The following GMPPA variants were observed in gnomAD, a reference collection of about 807,000 sequenced individuals.
GMPPA encodes GDP-mannose pyrophosphorylase A, also known as mannose-1-phosphate guanylyltransferase regulatory subunit alpha.
A neutral mutation model predicts 58.6 loss-of-function variants in GMPPA; 46 were observed. That is an observed-to-expected ratio of 0.78 (90% CI 0.62 to 1.00). The LOEUF (loss-of-function observed/expected upper bound fraction) is 1.00, where lower values mean the gene tolerates loss of function less well. Among genes scored for constraint, GMPPA ranks in the 50% least tolerant of loss-of-function variants. GMPPA has a pLI of 0.00. For synonymous variants in GMPPA, 211 were observed against 214.9 expected (o/e 0.98, Z 0.16); for missense variants, 468 against 556.4 (o/e 0.84, Z 1.60).
rs1360075722 is a variant in GMPPA at position 219,502,794 on chromosome 2, A to G, written c.489+353A>G. Among the ~76,000 whole-genome samples the G allele has an allele frequency of 6.6e-6, 1 of 152,116 alleles. No homozygotes were observed. The highest frequency in any genetic ancestry group is 1.5e-5 in the Non-Finnish European group (1 of 68,018). ...TAGATGACAAAGGAGACAGGAAGGT[A>G]CTACAGGCAGAGGGAATGGCAGGTA... On this transcript the variant is annotated intron_variant, in intron 6 of 12. Coordinates refer to ENST00000313597, the MANE Select transcript of GMPPA (RefSeq NM_013335.4). The surrounding 1 kb of genome is among the most constrained non-coding windows in gnomAD (Gnocchi z 4.0).
chr2:219,506,192 C>T (rs1694584824), intron 11 of GMPPA, 62 bp from the exon 12 acceptor site: 2 of 1,539,444 alleles, frequency 1.3e-6, no homozygotes, highest in South Asian at 1.2e-5. Flanking sequence ...CCACACCTCA[C>T]ACCCTCCGGT....
Position 219,502,286 on chromosome 2 carries a change from G to A in GMPPA, c.430-96G>A. ...CTGAAGGCCTGTCAGTGGCAGAGCT[G>A]CATGCCAGGTGCTGTAGCGGAGGGA... On this transcript the variant is annotated intron_variant, in intron 5 of 12. Transcript: ENST00000313597. This position sits in a 1 kb window ranked among gnomAD's most constrained non-coding sequence, Gnocchi z 4.0. The A allele has an allele frequency of 9.1e-7, 1 of 1,099,332 alleles. No individual in the cohort carries two copies. Among genetic ancestry groups the A allele is most frequent in the Non-Finnish European group, 1.4e-6 (1 of 721,966 alleles). The allele number at this position is 1,099,332 out of a possible 1,614,324, so 68.1% of individuals were successfully genotyped here.
In GMPPA at chr2:219,501,483, G is replaced by A; in HGVS notation, c.146G>A (p.Gly49Glu). ...CTCTTCCCTTGTCCTCAGGTCCCTG[G>A]AATGCAGGAGATTCTGCTCATTGGC... The part of the protein sequence containing the change: ...HHIEACAQVP[G>E]MQEILLIGFY... The change falls in exon 4 of 13, where the codon GGA becomes GAA. Residue 49 changes from glycine (G) to glutamate (E), a missense_variant. By Grantham distance (98) the Gly-to-Glu change is moderately conservative. Coordinates refer to ENST00000313597, the MANE Select transcript of GMPPA (RefSeq NM_013335.4). The A allele has an allele frequency of 2.5e-6, 4 of 1,590,568 alleles. No homozygotes were observed. Among genetic ancestry groups the A allele is most frequent in the Non-Finnish European group, 3.5e-6 (4 of 1,158,476 alleles).
At position 219,499,937 on chromosome 2, in the gene GMPPA, T is replaced by C. The variant is rs1329476727; in HGVS notation, c.-20-19T>C. Reference sequence around the variant, plus strand: ...TGGGGTAGGAGATCTGAGCTTGATTTCTCTGTTGGAATTTGAAGTTTAGGT... The same window carrying C: ...TGGGGTAGGAGATCTGAGCTTGATTCCTCTGTTGGAATTTGAAGTTTAGGT... On this transcript the variant is annotated intron_variant, in intron 1 of 12. Transcript: ENST00000313597. 6.2e-7 allele frequency: 1 copy of C among 1,602,204 alleles called. No individual in the cohort carries two copies. The highest frequency in any genetic ancestry group is 1.1e-5 in the South Asian group (1 of 90,840).
Position 219,502,692 on chromosome 2 carries a change from CCCAA to C in GMPPA, c.489+254_489+257del, listed in dbSNP as rs1338664974. Among the ~76,000 whole-genome samples the C allele has an allele frequency of 6.6e-6, 1 of 152,022 alleles. No individual in the cohort carries two copies. Among genetic ancestry groups the C allele is most frequent in the Non-Finnish European group, 1.5e-5 (1 of 67,998 alleles). The stretch of plus-strand genomic sequence containing the variant: ...TGCATGATGGGAACACCAAGGGGGC[CCCAA>C]CCCAGCCTTGCTGGGGTGGGAGTAG... On this transcript the variant is annotated intron_variant, in intron 6 of 12. Coordinates refer to ENST00000313597, the MANE Select transcript of GMPPA (RefSeq NM_013335.4). This position sits in a 1 kb window ranked among gnomAD's most constrained non-coding sequence, Gnocchi z 4.0.
Position 219,502,132 on chromosome 2 carries a change from T to G in GMPPA, c.429+95T>G. On this transcript the variant is annotated intron_variant, in intron 5 of 12. Transcript: ENST00000313597. This position sits in a 1 kb window ranked among gnomAD's most constrained non-coding sequence, Gnocchi z 4.0. Reference sequence around the variant, plus strand: ...TGGGGAGGCAGGGGCGCCCCGGGAGTTGGTGTGGGAGCTGGCGTCAGGAGG... The same window carrying G: ...TGGGGAGGCAGGGGCGCCCCGGGAGGTGGTGTGGGAGCTGGCGTCAGGAGG... The G allele has an allele frequency of 2.3e-6, 3 of 1,285,338 alleles. No individual in the cohort carries two copies. In the Admixed American group the frequency reaches 5.4e-5, roughly 23 times the overall value. The allele number at this position is 1,285,338 out of a possible 1,614,324, so 79.6% of individuals were successfully genotyped here. A position where few individuals can be genotyped will look rare whatever the true frequency, so the allele number is the denominator to read the frequency against.
chr2:219,502,569 G>A lies in GMPPA; in HGVS notation c.489+128G>A, dbSNP rs753363236. ...CTTGTCAGACAGGTGAGACACTCCC[G>A]ATTAATCATCTTATATCCCTTTAAG... On this transcript the variant is annotated intron_variant, in intron 6 of 12. Transcript: ENST00000313597. The surrounding 1 kb of genome is among the most constrained non-coding windows in gnomAD (Gnocchi z 4.0). 2.3e-4 allele frequency: 154 copies of A among 673,292 alleles called. No individual in the cohort carries two copies. The Middle Eastern group carries it at 3.0e-3, about 13-fold the overall frequency. 41.7% of individuals were successfully genotyped at this position (673,292 alleles called of 1,614,324 possible). A position where few individuals can be genotyped will look rare whatever the true frequency, so the allele number is the denominator to read the frequency against.
At position 219,502,065 on chromosome 2, in the gene GMPPA, G is replaced by T. The variant is rs1287683010; in HGVS notation, c.429+28G>T. On this transcript the variant is annotated intron_variant, in intron 5 of 12. Transcript: ENST00000313597. This position sits in a 1 kb window ranked among gnomAD's most constrained non-coding sequence, Gnocchi z 4.0. ...GAGGGGGTCAGGAGGGCTGGAGGGT[G>T]TAGAGGAGGTGATCCCAAGAGCTTC... 6.2e-7 allele frequency: 1 copy of T among 1,608,172 alleles called. No individual in the cohort carries two copies. Among genetic ancestry groups the T allele is most frequent in the African/African-American group, 1.3e-5 (1 of 74,828 alleles).
intron 12 of GMPPA, 41 bp from the exon 13 acceptor site, chr2:219,506,657 C>G: frequency 8.3e-7 from 1 of 1,202,410 alleles, no homozygotes; most frequent in East Asian, 2.4e-5. Flanking sequence ...CCCCTGTCTC[C>G]CCTCCCATGA....
Position 219,502,137 on chromosome 2 carries a change from G to A in GMPPA, c.429+100G>A. 2 of 1,236,062 alleles carry A rather than the reference G, an allele frequency of 1.6e-6. No homozygotes were observed. Among genetic ancestry groups the A allele is most frequent in the South Asian group, 1.3e-5 (1 of 77,142 alleles). The allele number at this position is 1,236,062 out of a possible 1,614,324, so 76.6% of individuals were successfully genotyped here. ...AGGCAGGGGCGCCCCGGGAGTTGGTGTGGGAGCTGGCGTCAGGAGGGAGAT... is the reference window on the plus strand; with the variant it reads ...AGGCAGGGGCGCCCCGGGAGTTGGTATGGGAGCTGGCGTCAGGAGGGAGAT... On this transcript the variant is annotated intron_variant, in intron 5 of 12. Transcript: ENST00000313597. The surrounding 1 kb of genome is among the most constrained non-coding windows in gnomAD (Gnocchi z 4.0).
At chr2:219,505,663 G>A in intron 9 of GMPPA, 52 bp from the exon 10 acceptor site, 1 of 1,603,414 alleles carries the variant, frequency 6.2e-7, no homozygotes, top group South Asian at 1.1e-5. Flanking sequence ...GCCCCTTCCT[G>A]ATCAAATTCG....
chr2:219,501,816 A>G (rs1395540404), intron 4 of GMPPA, 35 bp from the exon 5 acceptor site: 24 of 1,598,654 alleles, frequency 1.5e-5, no homozygotes, highest in Non-Finnish European at 2.1e-5. Flanking sequence ...GTTTCCTAAG[A>G]TCCACTGAGC....
At chr2:219,505,199 C>A (rs1349292846) in intron 7 of GMPPA, 29 bp from the exon 8 acceptor site, 3 of 1,609,788 alleles carry the variant, frequency 1.9e-6, no homozygotes, top group Non-Finnish European at 2.5e-6. Context: ...AGCTGGGGGA[C>A]TAATGTCAGC....
At chr2:219,505,117 G>A in intron 7 of GMPPA, 111 bp from the exon 8 acceptor site, 2 of 1,236,230 alleles carry the variant, frequency 1.6e-6, no homozygotes, top group Middle Eastern at 2.6e-4. Context: ...TGGAGAGAGG[G>A]GCTTAGAGAG....
Position 219,501,962 on chromosome 2 carries a change from C to T in GMPPA, c.354C>T (p.Cys118=), listed in dbSNP as rs747136634. 3 of 1,614,200 alleles carry T rather than the reference C, an allele frequency of 1.9e-6. No homozygotes were observed. The highest frequency in any genetic ancestry group is 2.5e-6 in the Non-Finnish European group (3 of 1,180,024). The change falls in exon 5 of 13, where the codon TGC becomes TGT. Residue 118 remains cysteine, a synonymous_variant. Transcript: ENST00000313597. ...EAFFVLNADV[C]SDFPLSAMLE... is the part of the protein sequence containing the mutation. ...TCTTCGTGCTCAATGCTGATGTCTG[C>T]TCCGACTTCCCCTTGAGTGCTATGT... is the stretch of plus-strand genomic sequence containing the variant.
At position 219,501,534 on chromosome 2, in the gene GMPPA, C is replaced by G. The variant is rs756040396; in HGVS notation, c.197C>G (p.Thr66Ser). The G allele has an allele frequency of 6.2e-7, 1 of 1,613,330 alleles. No individual in the cohort carries two copies. The highest frequency in any genetic ancestry group is 1.7e-5 in the Admixed American group (1 of 60,022). The change falls in exon 4 of 13, where the codon ACC (threonine) becomes AGC (serine). Residue 66 changes from threonine to serine, a missense_variant. Physicochemically the swap from Thr to Ser is moderately conservative, Grantham distance 58. Transcript: ENST00000313597. ...TTCTACCAACCTGATGAGCCCCTCA[C>G]CCAGTTCCTAGAAGCCGCCCAGCAG... Reference protein sequence around the residue: ...IGFYQPDEPLTQFLEAAQQEF... With the variant: ...IGFYQPDEPLSQFLEAAQQEF...
chr2:219,499,930 C>T, intron 1 of GMPPA, 26 bp from the exon 2 acceptor site: 1 of 1,592,246 alleles, frequency 6.3e-7, no homozygotes, highest in Non-Finnish European at 8.6e-7. Context: ...GAGATCTGAG[C>T]TTGATTTCTC....
chr2:219,504,338 G>C, intron 7 of GMPPA, 125 bp downstream of exon 7: 1 of 851,184 alleles, frequency 1.2e-6, no homozygotes. Context: ...TTCTCCACTT[G>C]CCATCTCCAG....
intron 7 of GMPPA, 96 bp downstream of exon 7, chr2:219,504,309 C>T (rs1317745206): frequency 8.6e-7 from 1 of 1,168,328 alleles, no homozygotes; most frequent in East Asian, 2.4e-5. Flanking sequence ...ACTTGCTCAC[C>T]TTCCTCCTCC....
Sources: allele counts gnomAD v4.1 joint callset (sites outside exome capture counted in the v4.1 genomes callset), GRCh38; gene constraint gnomAD v4.1.1; non-coding constraint Gnocchi (gnomAD v3.1); transcripts MANE v1.5; gene names NCBI Gene and HGNC (gene_info 2026-07-23, HGNC 2026-07-21).